The following SNTB1 variants were observed in gnomAD, a reference collection of about 807,000 sequenced individuals.
SNTB1 encodes syntrophin beta 1.
In SNTB1, 36 loss-of-function variants were observed where a neutral mutation model predicts 48.9. The ratio of observed to expected loss-of-function variants is 0.74; its 90% CI spans 0.56 to 0.97. SNTB1 has a LOEUF of 0.97. SNTB1 is among the 50% of genes least tolerant of loss of function. The pLI is 0.00. For synonymous variants in SNTB1, 299 were observed against 294.6 expected (o/e 1.01, Z -0.15); for missense variants, 786 against 703.4 (o/e 1.12, Z -1.33).
intron 3 of SNTB1, among the ~76,000 whole-genome samples, chr8:120,612,110 G>C (rs1425761779): frequency 6.6e-6 from 1 of 152,168 alleles, no homozygotes; most frequent in Non-Finnish European, 1.5e-5. Context: ...CACTGGCACT[G>C]AACAGTGAGC....
At chr8:120,635,732 A>G in intron 2 of SNTB1, 1 of 190,028 alleles carries the variant, frequency 5.3e-6, no homozygotes, top group Non-Finnish European at 1.2e-5. Flanking sequence ...TCATAGTTGA[A>G]GCTATCACTT....
chr8:120,566,353 A>AG (rs1563818980), intron 4 of SNTB1, among the ~76,000 whole-genome samples: 2 of 142,592 alleles, frequency 1.4e-5, no homozygotes, highest in African/African-American at 2.7e-5. Context: ...AAAAAAAAAA[A>AG]GGGTGGGGGA....
intron 1 of SNTB1, among the ~76,000 whole-genome samples, chr8:120,766,572 T>A (rs778986775): frequency 9.2e-5 from 14 of 152,184 alleles, no homozygotes; most frequent in Non-Finnish European, 2.1e-4. Context: ...CATTAAGTCA[T>A]TTAACATAAA....
At chr8:120,747,643 G>A (rs769439836) in intron 1 of SNTB1, among the ~76,000 whole-genome samples, 7 of 152,160 alleles carry the variant, frequency 4.6e-5, no homozygotes, top group Non-Finnish European at 8.8e-5. Flanking sequence ...TGGACACATA[G>A]AGGAGAACAG....
intron 2 of SNTB1, among the ~76,000 whole-genome samples, chr8:120,650,976 C>A (rs747448637): frequency 6.6e-5 from 10 of 152,098 alleles, no homozygotes; most frequent in Non-Finnish European, 1.3e-4. Context: ...CCCTAAGCCT[C>A]GATTTCTTTA....
intron 1 of SNTB1, among the ~76,000 whole-genome samples, chr8:120,695,696 T>C (rs1376667772): frequency 6.6e-6 from 1 of 152,160 alleles, no homozygotes; most frequent in Non-Finnish European, 1.5e-5. Context: ...AGTTCAAATA[T>C]ACCCAGATGC....
chr8:120,709,752 G>T (rs1818433870), intron 1 of SNTB1, among the ~76,000 whole-genome samples: 1 of 152,086 alleles, frequency 6.6e-6, no homozygotes, highest in Non-Finnish European at 1.5e-5. Flanking sequence ...AATCAGATCT[G>T]ATTTAGAATC....
At chr8:120,797,546 C>CTCTTT (rs1820140678) in intron 1 of SNTB1, among the ~76,000 whole-genome samples, 1 of 69,088 alleles carries the variant, frequency 1.4e-5, no homozygotes, top group African/African-American at 5.6e-5. Flanking sequence ...ACTTGTTTCT[C>CTCTTT]TTTTTTTTTT....
chr8:120,646,595 A>G (rs1404588012), intron 2 of SNTB1, among the ~76,000 whole-genome samples: 1 of 151,828 alleles, frequency 6.6e-6, no homozygotes, highest in African/African-American at 2.4e-5. Flanking sequence ...TTTTGCATTA[A>G]TGTTCATCAA....
At chr8:120,736,284 A>C (rs570542492) in intron 1 of SNTB1, among the ~76,000 whole-genome samples, 1 of 152,302 alleles carries the variant, frequency 6.6e-6, no homozygotes, top group South Asian at 2.1e-4. Flanking sequence ...GGGTGGGGAC[A>C]CAAAGCCTAC....
In SNTB1 at chr8:120,758,938, T is replaced by G. The variant is rs548714840; in HGVS notation, c.571+52335A>C. On this transcript the variant is annotated intron_variant, in intron 1 of 6. Coordinates refer to ENST00000517992, the MANE Select transcript of SNTB1 (RefSeq NM_021021.4). ...TGGCAGCAACCCACTTATTTATTTATTTATTATTATTTTATAGAGACGGTG... is the reference window on the plus strand; with the variant it reads ...TGGCAGCAACCCACTTATTTATTTAGTTATTATTATTTTATAGAGACGGTG... Among the ~76,000 whole-genome samples the G allele has an allele frequency of 7.8e-4, 118 of 152,212 alleles. 1 individual carries two copies. The highest frequency in any genetic ancestry group is 2.7e-3 in the African/African-American group (113 of 41,554).
intron 2 of SNTB1, among the ~76,000 whole-genome samples, chr8:120,640,429 A>G (rs201839820): frequency 1.1e-4 from 16 of 152,156 alleles, no homozygotes; most frequent in Non-Finnish European, 7.4e-5. Context: ...AATAGGAGTG[A>G]TGAGAGAGGG....
intron 3 of SNTB1, among the ~76,000 whole-genome samples, chr8:120,598,742 G>T (rs954146788): frequency 1.3e-5 from 2 of 152,118 alleles, no homozygotes; most frequent in Non-Finnish European, 2.9e-5. Context: ...GCATCCTCAG[G>T]GCTGCCCTCC....
chr8:120,746,172 C>A (rs551583979), intron 1 of SNTB1, among the ~76,000 whole-genome samples: 6 of 152,142 alleles, frequency 3.9e-5, no homozygotes, highest in Admixed American at 6.5e-5. Context: ...CAACACCAAC[C>A]CCTCTTCTTC....
rs1398293352 is a variant in SNTB1 at position 120,778,425 on chromosome 8, T to G, written c.571+32848A>C. On this transcript the variant is annotated intron_variant, in intron 1 of 6. Transcript: ENST00000517992. ...ATGCATTTAGGAAGGCAATGACCTCTAAATCAGGAATCCTGACCTCTAATT... is the reference window on the plus strand; with the variant it reads ...ATGCATTTAGGAAGGCAATGACCTCGAAATCAGGAATCCTGACCTCTAATT... 2.0e-5 allele frequency among the ~76,000 whole-genome samples: 3 copies of G among 152,228 alleles called. No individual in the cohort carries two copies. In the East Asian group the frequency reaches 5.8e-4, roughly 29 times the overall value.
intron 4 of SNTB1, chr8:120,571,392 A>C (rs1215706740): frequency 8.7e-6 from 11 of 1,257,316 alleles, no homozygotes; most frequent in Non-Finnish European, 1.1e-5. Context: ...AGAAAGCAAT[A>C]GCGATTGGGC....
chr8:120,554,792 C>A (rs1815539645), intron 4 of SNTB1, among the ~76,000 whole-genome samples: 1 of 152,110 alleles, frequency 6.6e-6, no homozygotes, highest in South Asian at 2.1e-4. Context: ...CCTCATTAAT[C>A]CCTTACACTG....
At chr8:120,564,140 T>C (rs934235060) in intron 4 of SNTB1, among the ~76,000 whole-genome samples, 1 of 151,050 alleles carries the variant, frequency 6.6e-6, no homozygotes, top group Non-Finnish European at 1.5e-5. Context: ...ATTATGTACA[T>C]AGGTCATTGA....
At chr8:120,712,302 C>A (rs1818476677) in intron 1 of SNTB1, among the ~76,000 whole-genome samples, 1 of 150,976 alleles carries the variant, frequency 6.6e-6, no homozygotes, top group Non-Finnish European at 1.5e-5. Flanking sequence ...GTAGTCCCGG[C>A]TACTCAGGAG....
Sources: allele counts gnomAD v4.1 joint callset (sites outside exome capture counted in the v4.1 genomes callset), GRCh38; gene constraint gnomAD v4.1.1; transcripts MANE v1.5; gene names NCBI Gene and HGNC (gene_info 2026-07-23, HGNC 2026-07-21).